Variants in DYNLRB2 observed in about 807,000 individuals in gnomAD.
DYNLRB2 encodes the protein dynein light chain roadblock-type 2, also known as bithoraxoid-like protein.
Under a neutral mutation model 12.6 loss-of-function variants are expected in DYNLRB2, and 14 were observed. The ratio of observed to expected loss-of-function variants is 1.11; its 90% CI spans 0.73 to 1.73. The LOEUF (loss-of-function observed/expected upper bound fraction) is 1.73. DYNLRB2 is among the 40% of genes most tolerant of loss of function. DYNLRB2 has a pLI of 0.00. For synonymous variants in DYNLRB2, 53 were observed against 37.0 expected (o/e 1.43, Z -1.57); for missense variants, 142 against 117.7 (o/e 1.21, Z -0.95).
intron 1 of DYNLRB2, 60 bp from the exon 2 acceptor site, chr16:80,543,216 C>T: frequency 1.3e-6 from 2 of 1,533,200 alleles, no homozygotes; most frequent in Non-Finnish European, 1.8e-6. Flanking sequence ...ACATTATTCT[C>T]CTTAGGGTTG....
chr16:80,543,126 C>G (rs1904304317), intron 1 of DYNLRB2, 150 bp from the exon 2 acceptor site: 4 of 706,102 alleles, frequency 5.7e-6, no homozygotes, highest in Admixed American at 2.9e-5. Flanking sequence ...TTGACAATTT[C>G]TAAGCTGTCT....
Position 80,541,090 on chromosome 16 carries a change from GGTCTCC to G in DYNLRB2, c.3+15_3+20del. On this transcript the variant is annotated intron_variant, in intron 1 of 3. Transcript: ENST00000305904. ...GCGGCCTCCGCGATGGTAAATCTGG[GGTCTCC>G]GTCCACGCCCCGCCGTTCCAAGCAC... is the stretch of plus-strand genomic sequence containing the variant. 1 of 1,605,466 alleles carries G rather than the reference GGTCTCC, an allele frequency of 6.2e-7. No homozygotes were observed. The highest frequency in any genetic ancestry group is 8.5e-7 in the Non-Finnish European group (1 of 1,175,124).
chr16:80,549,732 A>G (rs1904723857), intron 3 of DYNLRB2, 81 bp downstream of exon 3: 1 of 1,388,296 alleles, frequency 7.2e-7, no homozygotes, highest in Admixed American at 2.2e-5. Context: ...AATGGTAAGT[A>G]CAGATTTTAG....
chr16:80,543,848 G>A (rs1413754562), intron 2 of DYNLRB2, among the ~76,000 whole-genome samples: 1 of 152,078 alleles, frequency 6.6e-6, no homozygotes, highest in East Asian at 1.9e-4. Context: ...GCATAAGAAG[G>A]CCCTACATAT....
chr16:80,545,488 T>G (rs890376751), intron 2 of DYNLRB2, among the ~76,000 whole-genome samples: 9 of 152,004 alleles, frequency 5.9e-5, no homozygotes, highest in African/African-American at 1.9e-4. Flanking sequence ...ATCCTATTTA[T>G]GGCCAGGTGC....
intron 1 of DYNLRB2, among the ~76,000 whole-genome samples, chr16:80,542,554 T>C (rs772027245): frequency 6.6e-6 from 1 of 152,222 alleles, no homozygotes; most frequent in Admixed American, 6.5e-5. Flanking sequence ...ATGAAAAATT[T>C]GCAGGTTTGG....
In DYNLRB2 at chr16:80,543,301, G is replaced by A. The variant is rs780773664; in HGVS notation, c.29G>A (p.Arg10Lys). 39 of 1,613,926 alleles carry A rather than the reference G, an allele frequency of 2.4e-5. No individual in the cohort carries two copies. Among genetic ancestry groups the A allele is most frequent in the Non-Finnish European group, 3.3e-5 (39 of 1,179,932 alleles). The stretch of plus-strand genomic sequence containing the variant: ...GCAGAGGTGGAGGAAACCTTAAAGA[G>A]GATCCAGAGTCATAAAGGGGTTATT... MAEVEETLKRIQSHKGVIGT... is the reference protein window; with the variant it reads MAEVEETLKKIQSHKGVIGT... Residue 10 changes from arginine (R) to lysine (K), a missense_variant, in exon 2 of 4, where the codon AGG (arginine) becomes AAG (lysine). Coordinates refer to ENST00000305904, the MANE Select transcript of DYNLRB2 (RefSeq NM_130897.3).
intron 1 of DYNLRB2, chr16:80,541,542 A>C: frequency 2.7e-6 from 1 of 374,984 alleles, no homozygotes; most frequent in Non-Finnish European, 3.7e-6. Context: ...GAAATAAAGA[A>C]AAAGGAAAGA....
chr16:80,546,217 T>A (rs2041430126), intron 2 of DYNLRB2, among the ~76,000 whole-genome samples: 1 of 152,240 alleles, frequency 6.6e-6, no homozygotes, highest in Non-Finnish European at 1.5e-5. Flanking sequence ...AATACTCAAT[T>A]TCAACAACCT....
Position 80,541,069 on chromosome 16 carries a change from C to T in DYNLRB2, c.-8C>T. On this transcript the variant is annotated 5_prime_UTR_variant, in exon 1 of 4. Transcript: ENST00000305904. ...CCGGCCTGAGCCCAGAGTTTCGCGG[C>T]CTCCGCGATGGTAAATCTGGGGTCT... 1 of 1,608,128 alleles carries T rather than the reference C, an allele frequency of 6.2e-7. No homozygotes were observed. The highest frequency in any genetic ancestry group is 8.5e-7 in the Non-Finnish European group (1 of 1,176,744).
At chr16:80,545,871 T>G (rs1904430866) in intron 2 of DYNLRB2, among the ~76,000 whole-genome samples, 1 of 149,890 alleles carries the variant, frequency 6.7e-6, no homozygotes, top group Non-Finnish European at 1.5e-5. Flanking sequence ...TTAGTAGAGA[T>G]GGGGTTTCAC....
upstream of DYNLRB2, chr16:80,540,914 A>C: frequency 7.7e-7 from 1 of 1,305,488 alleles, no homozygotes; most frequent in Non-Finnish European, 1.1e-6. Flanking sequence ...AGGCATCAGG[A>C]GCGCGGTCAG....
chr16:80,542,218 G>T (rs1165632213), intron 1 of DYNLRB2, among the ~76,000 whole-genome samples: 1 of 152,156 alleles, frequency 6.6e-6, no homozygotes, highest in Non-Finnish European at 1.5e-5. Context: ...GTTTCCATTT[G>T]TGGTAGTGAC....
At chr16:80,546,923 A>G (rs758542665) in intron 2 of DYNLRB2, among the ~76,000 whole-genome samples, 1 of 152,204 alleles carries the variant, frequency 6.6e-6, no homozygotes, top group Non-Finnish European at 1.5e-5. Flanking sequence ...AGGGAGTCAT[A>G]TTGTAAAGTA....
intron 2 of DYNLRB2, among the ~76,000 whole-genome samples, chr16:80,544,461 G>C (rs377099177): frequency 6.6e-6 from 1 of 152,188 alleles, no homozygotes; most frequent in Non-Finnish European, 1.5e-5. Flanking sequence ...GAGGATTTAA[G>C]ATCTGCCTTC....
chr16:80,548,996 T>C (rs1339583087), intron 2 of DYNLRB2: 1 of 455,950 alleles, frequency 2.2e-6, no homozygotes, highest in African/African-American at 2.0e-5. Flanking sequence ...AGACTCACTA[T>C]AGACAAGATG....
chr16:80,540,802 C>G, upstream of DYNLRB2: 2 of 706,444 alleles, frequency 2.8e-6, no homozygotes, highest in East Asian at 2.7e-5. Context: ...GAGCCTGACC[C>G]ACTTCCCTCT....
chr16:80,541,655 G>C (rs544843964), intron 1 of DYNLRB2, among the ~76,000 whole-genome samples: 17 of 148,998 alleles, frequency 1.1e-4, no homozygotes, highest in African/African-American at 4.2e-4. Flanking sequence ...ATGAAACGGG[G>C]ATTGGAGATG....
At chr16:80,548,200 A>G (rs1350595873) in intron 2 of DYNLRB2, 3 of 168,380 alleles carry the variant, frequency 1.8e-5, no homozygotes, top group Non-Finnish European at 1.3e-5. Flanking sequence ...ATAAAAGCAC[A>G]TTTGCAAATC....
Sources: gnomAD v4.1 joint callset for allele counts (sites outside exome capture counted in the v4.1 genomes callset) on GRCh38, gnomAD v4.1.1 for gene constraint, MANE v1.5 for transcripts, NCBI Gene and HGNC (gene_info 2026-07-23, HGNC 2026-07-21) for gene names.